The following AOAH variants were observed in gnomAD, a reference collection of about 807,000 sequenced individuals.
AOAH encodes acyloxyacyl hydrolase.
In AOAH, 64 loss-of-function variants were observed where a neutral mutation model predicts 92.2. That is an observed-to-expected ratio of 0.69 (90% CI 0.57 to 0.86). AOAH has a LOEUF of 0.86. Ranked by LOEUF, AOAH falls within the 40% of genes least tolerant of loss-of-function variation. The pLI, the probability that AOAH is intolerant of heterozygous loss-of-function variation, is 0.00. For missense variants in AOAH, 656 were observed against 694.6 expected (o/e 0.94, Z 0.62); for synonymous variants, 263 against 254.5 (o/e 1.03, Z -0.32).
At chr7:36,693,994 T>A (rs941550078) in intron 1 of AOAH, among the ~76,000 whole-genome samples, 1 of 152,230 alleles carries the variant, frequency 6.6e-6, no homozygotes, top group African/African-American at 2.4e-5. Context: ...TGGAGTGAAC[T>A]ATCATTGAAC....
rs145165105 is a variant in AOAH at position 36,646,524 on chromosome 7, C to G, written c.391-8614G>C. Among the ~76,000 whole-genome samples, 355 of 152,298 alleles carry G rather than the reference C, an allele frequency of 2.3e-3. 2 individuals are homozygous for G. Among genetic ancestry groups the G allele is most frequent in the African/African-American group, 8.1e-3 (336 of 41,566 alleles). On this transcript the variant is annotated intron_variant, in intron 4 of 20. Transcript: ENST00000617537. ...TTTGCTTTCAGGTTGTGTGATCAGT[C>G]TTACTCTATGTTACACAACAAATCA...
chr7:36,698,789 T>A (rs540939665), intron 1 of AOAH, among the ~76,000 whole-genome samples: 518 of 152,282 alleles, frequency 3.4e-3, no homozygotes, highest in African/African-American at 0.012. Flanking sequence ...CTTAAAAATT[T>A]GTCATTTATT....
intron 10 of AOAH, among the ~76,000 whole-genome samples, chr7:36,616,835 A>G (rs1791923299): frequency 6.6e-6 from 1 of 152,236 alleles, no homozygotes; most frequent in Admixed American, 6.5e-5. Flanking sequence ...ACCAACGTCC[A>G]TTACAATTCA....
At chr7:36,515,709 CCACACA>C (rs201623093) in intron 20 of AOAH, among the ~76,000 whole-genome samples, 1 of 126,978 alleles carries the variant, frequency 7.9e-6, no homozygotes, top group African/African-American at 3.2e-5. Flanking sequence ...ACACACCCCC[CCACACA>C]CCACACACCA....
At chr7:36,631,255 G>A (rs1350899877) in intron 6 of AOAH, among the ~76,000 whole-genome samples, 1 of 151,844 alleles carries the variant, frequency 6.6e-6, no homozygotes. Context: ...GCTGAGGCAG[G>A]AGAATTGCTT....
chr7:36,611,064 C>T (rs1791419805), intron 11 of AOAH, among the ~76,000 whole-genome samples: 1 of 152,148 alleles, frequency 6.6e-6, no homozygotes, highest in Admixed American at 6.5e-5. Context: ...GATAAAGCTT[C>T]ATTTTCAGTA....
chr7:36,582,449 CA>C (rs1788996442), intron 12 of AOAH, among the ~76,000 whole-genome samples: 1 of 152,138 alleles, frequency 6.6e-6, no homozygotes. Flanking sequence ...CATGTGAAAA[CA>C]CACTGATTGG....
At position 36,674,023 on chromosome 7, in the gene AOAH, A is replaced by C. The variant is rs555982171; in HGVS notation, c.224-14T>G. On this transcript the variant is annotated splice_polypyrimidine_tract_variant and intron_variant, in intron 2 of 20. Transcript: ENST00000617537. ...AGAACAGTTTTTCTAAAAAATATAA[A>C]GAGGGAAATTGAATATATTTTTATT... 6.6e-7 allele frequency: 1 copy of C among 1,517,574 alleles called. No homozygotes were observed. 94.0% of individuals were successfully genotyped at this position (1,517,574 alleles called of 1,614,324 possible). A position where few individuals can be genotyped will look rare whatever the true frequency, so the allele number is the denominator to read the frequency against.
chr7:36,539,040 G>C (rs1232157025), intron 16 of AOAH, among the ~76,000 whole-genome samples: 1 of 152,154 alleles, frequency 6.6e-6, no homozygotes, highest in East Asian at 1.9e-4. Context: ...GGGAGAAGTG[G>C]GGTGTTTGTC....
chr7:36,525,971 T>C (rs1300860582), intron 19 of AOAH, among the ~76,000 whole-genome samples: 2 of 152,154 alleles, frequency 1.3e-5, no homozygotes, highest in Non-Finnish European at 2.9e-5. Flanking sequence ...TGCCAAGCTT[T>C]GCGGGGGAAT....
intron 20 of AOAH, among the ~76,000 whole-genome samples, chr7:36,519,117 A>G (rs1415559687): frequency 6.6e-6 from 1 of 152,176 alleles, no homozygotes; most frequent in Non-Finnish European, 1.5e-5. Flanking sequence ...TTTAGGACAC[A>G]CGTTGGGCTA....
At chr7:36,629,442 G>A (rs946566191) in intron 6 of AOAH, among the ~76,000 whole-genome samples, 2 of 152,242 alleles carry the variant, frequency 1.3e-5, no homozygotes, top group East Asian at 3.9e-4. Context: ...TTTAATGGGA[G>A]CTAGGCATGA....
chr7:36,514,541 T>C (rs1354302916), intron 20 of AOAH: 1 of 1,535,972 alleles, frequency 6.5e-7, no homozygotes, highest in Admixed American at 2.0e-5. Context: ...TTCTTGGTTG[T>C]CCAGTGTCTG....
At chr7:36,636,413 T>C (rs192947272) in intron 5 of AOAH, among the ~76,000 whole-genome samples, 1 of 152,246 alleles carries the variant, frequency 6.6e-6, no homozygotes, top group Non-Finnish European at 1.5e-5. Flanking sequence ...TTTTTGCTAC[T>C]GAAGTAAACA....
At chr7:36,624,942 C>G (rs559832485) in intron 6 of AOAH, among the ~76,000 whole-genome samples, 3 of 152,336 alleles carry the variant, frequency 2.0e-5, no homozygotes, top group Non-Finnish European at 4.4e-5. Flanking sequence ...ACTGTTTCAG[C>G]CTTTTTAGCA....
chr7:36,579,609 T>C (rs2727832), intron 12 of AOAH, among the ~76,000 whole-genome samples: 3,343 of 152,188 alleles, frequency 0.022, 125 homozygotes, highest in African/African-American at 0.076. Flanking sequence ...GGAGAACCAG[T>C]TCAAGTTCCA....
chr7:36,583,807 A>G (rs1789111623), intron 12 of AOAH, among the ~76,000 whole-genome samples: 1 of 152,226 alleles, frequency 6.6e-6, no homozygotes, highest in Non-Finnish European at 1.5e-5. Context: ...TCTGAGCTTG[A>G]AGCAGGTGTA....
intron 15 of AOAH, among the ~76,000 whole-genome samples, chr7:36,546,193 C>T (rs933771339): frequency 1.3e-5 from 2 of 152,130 alleles, no homozygotes; most frequent in Non-Finnish European, 2.9e-5. Context: ...GAAGAAAGCA[C>T]ATAAATGTGT....
At chr7:36,575,939 G>C (rs1583857543) in intron 13 of AOAH, among the ~76,000 whole-genome samples, 4 of 152,226 alleles carry the variant, frequency 2.6e-5, no homozygotes, top group African/African-American at 7.2e-5. Context: ...GCAGACAAGA[G>C]TGCCAAGGCT....
Sources: allele counts gnomAD v4.1 joint callset (sites outside exome capture counted in the v4.1 genomes callset), GRCh38; gene constraint gnomAD v4.1.1; transcripts MANE v1.5; gene names NCBI Gene and HGNC (gene_info 2026-07-23, HGNC 2026-07-21).